Variants in LRMDA observed in about 807,000 individuals in gnomAD.
LRMDA encodes leucine rich melanocyte differentiation associated.
In LRMDA, 18 loss-of-function variants were observed where a neutral mutation model predicts 29.8. That is an observed-to-expected ratio of 0.60 (90% CI 0.42 to 0.90). LRMDA has a LOEUF of 0.90. Among genes scored for constraint, LRMDA ranks in the 40% least tolerant of loss-of-function variants. The pLI is 0.00. For synonymous variants in LRMDA, 125 were observed against 109.4 expected, an observed-to-expected ratio of 1.14 and a Z score of -0.89; for missense variants, 273 against 273.9, an observed-to-expected ratio of 1.00 and a Z score of 0.02.
intron 2 of LRMDA, among the ~76,000 whole-genome samples, chr10:75,482,866 G>C (rs945994060): frequency 6.6e-6 from 1 of 152,154 alleles, no homozygotes; most frequent in African/African-American, 2.4e-5. Context: ...GTGAATCATG[G>C]GGAAAACATA....
At chr10:75,992,361 C>G (rs59671076) in intron 2 of LRMDA, among the ~76,000 whole-genome samples, 2 of 152,162 alleles carry the variant, frequency 1.3e-5, no homozygotes, top group African/African-American at 4.8e-5. Flanking sequence ...GTCGATGCTC[C>G]TGACAGACAA....
At chr10:76,146,461 CT>C (rs1375321385) in intron 5 of LRMDA, among the ~76,000 whole-genome samples, 4 of 151,194 alleles carry the variant, frequency 2.6e-5, no homozygotes, top group Non-Finnish European at 4.4e-5. Flanking sequence ...TTCTTTGTCT[CT>C]TTTTATCTTT....
intron 6 of LRMDA, among the ~76,000 whole-genome samples, chr10:76,337,767 G>A (rs1840987554): frequency 6.6e-6 from 1 of 152,052 alleles, no homozygotes; most frequent in Admixed American, 6.6e-5. Context: ...CCACCAAGAG[G>A]GTGTGAGGGA....
rs188276994 is a variant in LRMDA at position 76,481,769 on chromosome 10, C to A, written c.602-75440C>A. ...TTCATAAGTCCTTTCCAATAACAAG[C>A]CCTTCTCTATACTGGGCTTCTCTAA... On this transcript the variant is annotated intron_variant, in intron 6 of 6. Coordinates refer to ENST00000611255, the MANE Select transcript of LRMDA (RefSeq NM_001305581.2). Among the ~76,000 whole-genome samples, 292 of 151,970 alleles carry A rather than the reference C, an allele frequency of 1.9e-3. 2 individuals are homozygous for A. Among genetic ancestry groups the A allele is most frequent in the Non-Finnish European group, 5.0e-4 (34 of 67,884 alleles).
At chr10:75,602,189 A>ACCC (rs11373498) in intron 2 of LRMDA, among the ~76,000 whole-genome samples, 86 of 151,186 alleles carry the variant, frequency 5.7e-4, no homozygotes, top group Middle Eastern at 3.4e-3. Context: ...GGAAAAAATA[A>ACCC]CCCCCCCCAA....
chr10:75,622,324 C>T (rs1261526148), intron 2 of LRMDA, among the ~76,000 whole-genome samples: 1 of 151,162 alleles, frequency 6.6e-6, no homozygotes, highest in African/African-American at 2.4e-5. Flanking sequence ...AATATGATAC[C>T]CCAAAGATAA....
At chr10:76,111,885 G>A (rs986310685) in intron 5 of LRMDA, among the ~76,000 whole-genome samples, 41 of 152,232 alleles carry the variant, frequency 2.7e-4, no homozygotes, top group African/African-American at 9.4e-4. Flanking sequence ...CACGTTGGGA[G>A]CGTAGGTGAC....
At chr10:76,158,395 A>G (rs1458251082) in intron 5 of LRMDA, among the ~76,000 whole-genome samples, 1 of 152,084 alleles carries the variant, frequency 6.6e-6, no homozygotes, top group Non-Finnish European at 1.5e-5. Flanking sequence ...TGGTTTGCTG[A>G]TAGCTGCCTT....
In LRMDA at chr10:76,523,005, G is replaced by C. The variant is rs117880071; in HGVS notation, c.602-34204G>C. Among the ~76,000 whole-genome samples the C allele has an allele frequency of 7.6e-4, 115 of 152,236 alleles. 3 individuals are homozygous for C. The East Asian group carries it at 0.018, about 23-fold the overall frequency. ...TGATATTTGTGGGCACTGCAGACCA[G>C]AGAAAAAGAGTTGCTGCCTTGTACA... On this transcript the variant is annotated intron_variant, in intron 6 of 6. Transcript: ENST00000611255.
intron 2 of LRMDA, among the ~76,000 whole-genome samples, chr10:76,014,123 T>TAA (rs1564630432): frequency 4.7e-5 from 4 of 85,940 alleles, no homozygotes; most frequent in African/African-American, 1.4e-4. Context: ...TATATATATA[T>TAA]AATTATATAT....
chr10:75,650,911 T>C (rs1232488769), intron 2 of LRMDA, among the ~76,000 whole-genome samples: 3 of 152,076 alleles, frequency 2.0e-5, no homozygotes, highest in African/African-American at 4.8e-5. Context: ...TCATCAGCAT[T>C]ATAGATGGTC....
At chr10:75,559,221 A>G (rs951411988) in intron 2 of LRMDA, among the ~76,000 whole-genome samples, 5 of 152,074 alleles carry the variant, frequency 3.3e-5, no homozygotes, top group African/African-American at 7.3e-5. Flanking sequence ...AATGATCGCC[A>G]TTCTAACTGG....
At chr10:76,070,795 A>G (rs987066011) in intron 5 of LRMDA, among the ~76,000 whole-genome samples, 1 of 152,204 alleles carries the variant, frequency 6.6e-6, no homozygotes, top group Non-Finnish European at 1.5e-5. Flanking sequence ...CCTCACATTC[A>G]TCCTGGGGAG....
rs113052772 is a variant in LRMDA, at chr10:76,437,965, G to A, written c.601+113480G>A. On this transcript the variant is annotated intron_variant, in intron 6 of 6. Coordinates refer to ENST00000611255, the MANE Select transcript of LRMDA (RefSeq NM_001305581.2). The stretch of plus-strand genomic sequence containing the variant: ...AGGAAACTGAAGAGCAGGGAAGCTA[G>A]TGACTTATCGCAAGTCACTCACCTA... Among the ~76,000 whole-genome samples, 1,153 of 152,268 alleles carry A rather than the reference G, an allele frequency of 7.6e-3. 9 individuals carry two copies. Among genetic ancestry groups the A allele is most frequent in the African/African-American group, 0.026 (1,095 of 41,540 alleles).
chr10:75,858,231 G>A (rs1283657916), intron 2 of LRMDA, among the ~76,000 whole-genome samples: 7 of 152,188 alleles, frequency 4.6e-5, no homozygotes, highest in East Asian at 3.9e-4. Context: ...CTGTATCACC[G>A]CAGTAAGTGG....
intron 2 of LRMDA, among the ~76,000 whole-genome samples, chr10:75,813,119 G>T (rs1843993018): frequency 6.6e-6 from 1 of 152,180 alleles, no homozygotes; most frequent in African/African-American, 2.4e-5. Flanking sequence ...GGGCAATGTG[G>T]ATCATGTTAG....
chr10:75,943,739 G>A (rs1227540763), intron 2 of LRMDA, among the ~76,000 whole-genome samples: 1 of 152,174 alleles, frequency 6.6e-6, no homozygotes, highest in Non-Finnish European at 1.5e-5. Context: ...TTAGAGATTG[G>A]CCATGGTTGC....
At chr10:75,984,743 G>A (rs976618741) in intron 2 of LRMDA, among the ~76,000 whole-genome samples, 5 of 152,192 alleles carry the variant, frequency 3.3e-5, no homozygotes, top group Non-Finnish European at 2.9e-5. Flanking sequence ...CTGGGGATGC[G>A]TTTTGCATTT....
At chr10:76,539,902 C>T (rs943850827) in intron 6 of LRMDA, among the ~76,000 whole-genome samples, 3 of 152,042 alleles carry the variant, frequency 2.0e-5, no homozygotes, top group Non-Finnish European at 2.9e-5. Context: ...TACCCAAATG[C>T]AGTAAAGCAA....
Sources: gnomAD v4.1 joint callset for allele counts (sites outside exome capture counted in the v4.1 genomes callset) on GRCh38, gnomAD v4.1.1 for gene constraint, MANE v1.5 for transcripts, NCBI Gene and HGNC (gene_info 2026-07-23, HGNC 2026-07-21) for gene names.